The following MCM3 variants were observed in gnomAD, a reference collection of about 807,000 sequenced individuals.
MCM3 encodes the protein DNA replication licensing factor MCM3.
In MCM3, 59 loss-of-function variants were observed where a neutral mutation model predicts 91.3. The observed-to-expected ratio is 0.65, with a 90% CI of 0.52 to 0.80. The LOEUF (loss-of-function observed/expected upper bound fraction) is 0.80. MCM3 is among the 30% of genes least tolerant of loss of function. The probability of loss-of-function intolerance (pLI) is 0.00; values close to 1 mark genes in which losing one functional copy is unlikely to be tolerated. For synonymous variants in MCM3, 383 were observed against 379.6 expected (o/e 1.01, Z -0.10); for missense variants, 919 against 1,035.4 (o/e 0.89, Z 1.54).
At chr6:52,275,411 G>A (rs1159063572) in intron 9 of MCM3, among the ~76,000 whole-genome samples, 1 of 152,184 alleles carries the variant, frequency 6.6e-6, no homozygotes, top group Non-Finnish European at 1.5e-5. Flanking sequence ...ACATTGTGAG[G>A]TAGTTACTGA....
At chr6:52,277,787 G>A in intron 6 of MCM3, 99 bp from the exon 7 acceptor site, 4 of 1,084,686 alleles carry the variant, frequency 3.7e-6, no homozygotes, top group South Asian at 1.5e-5. Context: ...ACTTGAAGAG[G>A]GCCAGGCGCA....
Position 52,277,523 on chromosome 6 carries a change from C to G in MCM3, c.1033+12G>C, listed in dbSNP as rs1765686664. ...CAGAACAACAGTCTAAAGCAAATCC[C>G]CAACATCGTACCTATTAGAAGAATA... On this transcript the variant is annotated intron_variant, in intron 7 of 16. Coordinates refer to ENST00000596288, the MANE Select transcript of MCM3 (RefSeq NM_002388.6). The G allele has an allele frequency of 1.2e-6, 2 of 1,607,626 alleles. No homozygotes were observed. The highest frequency in any genetic ancestry group is 1.7e-6 in the Non-Finnish European group (2 of 1,176,804).
chr6:52,272,010 T>C (rs1193738728), intron 12 of MCM3, among the ~76,000 whole-genome samples: 1 of 152,198 alleles, frequency 6.6e-6, no homozygotes, highest in East Asian at 1.9e-4. Flanking sequence ...TTTACATTGC[T>C]TGTAAGAGGA....
At chr6:52,280,654 T>C (rs995756062) in intron 4 of MCM3, among the ~76,000 whole-genome samples, 2 of 152,216 alleles carry the variant, frequency 1.3e-5, no homozygotes, top group African/African-American at 4.8e-5. Flanking sequence ...GTAAAGAAGC[T>C]TGGCCACAGT....
In MCM3 at chr6:52,273,230, T is replaced by C; in HGVS notation, c.1676A>G (p.Lys559Arg). ...DNLLHGTKKK[K>R]EKMVSAAFMK... ...GAGGAAGAGTTATGAGAATGCTCACTTTTTCTTCTTGGTCCCATGTAGAAG... is the reference window on the plus strand; with the variant it reads ...GAGGAAGAGTTATGAGAATGCTCACCTTTTCTTCTTGGTCCCATGTAGAAG... The change falls in exon 11 of 17, where the codon AAG becomes AGG. Residue 559 changes from lysine to arginine, a missense_variant and splice_region_variant. Lys to Arg is a conservative substitution (Grantham distance 26). Coordinates refer to ENST00000596288, the MANE Select transcript of MCM3 (RefSeq NM_002388.6). 1 of 1,614,176 alleles carries C rather than the reference T, an allele frequency of 6.2e-7. No individual in the cohort carries two copies. Among genetic ancestry groups the C allele is most frequent in the Non-Finnish European group, 8.5e-7 (1 of 1,179,990 alleles).
rs1006592436 is a variant in MCM3, at chr6:52,283,276, T to G, written c.191+18A>C. ...GAGCCATTCTCACTGACAGCCAGTATATCCCCTTGCCTCTCACCGGTTAGC... is the reference window on the plus strand; with the variant it reads ...GAGCCATTCTCACTGACAGCCAGTAGATCCCCTTGCCTCTCACCGGTTAGC... On this transcript the variant is annotated intron_variant, in intron 2 of 16. Transcript: ENST00000596288. The G allele has an allele frequency of 6.2e-6, 10 of 1,600,484 alleles. No homozygotes were observed. In the Middle Eastern group the frequency reaches 9.9e-4, roughly 159 times the overall value.
intron 2 of MCM3, 89 bp from the exon 3 acceptor site, chr6:52,282,950 A>G (rs1766258720): frequency 2.2e-6 from 2 of 904,540 alleles, no homozygotes; most frequent in Non-Finnish European, 3.4e-6. Context: ...AGATCATTAA[A>G]AACAATGAGA....
At chr6:52,282,418 G>C (rs1766185290) in intron 3 of MCM3, among the ~76,000 whole-genome samples, 2 of 152,154 alleles carry the variant, frequency 1.3e-5, no homozygotes, top group Non-Finnish European at 2.9e-5. Context: ...TGGAATTAGA[G>C]ATTGCCAGGA....
Position 52,273,428 on chromosome 6 carries a change from C to G in MCM3, c.1550-72G>C, listed in dbSNP as rs2235714. On this transcript the variant is annotated intron_variant, in intron 10 of 16. Coordinates refer to ENST00000596288, the MANE Select transcript of MCM3 (RefSeq NM_002388.6). Reference sequence around the variant, plus strand: ...CCAGGGGAAATTGCTTCTTCTATAGCACAAGAAGGGGAGACACCAAGATTC... The same window carrying G: ...CCAGGGGAAATTGCTTCTTCTATAGGACAAGAAGGGGAGACACCAAGATTC... 246,878 of 1,496,062 alleles carry G rather than the reference C, an allele frequency of 0.17. 22,093 individuals carry two copies. The highest frequency in any genetic ancestry group is 0.26 in the South Asian group (22,310 of 86,664). 92.7% of individuals were successfully genotyped at this position (1,496,062 alleles called of 1,614,324 possible). A position where few individuals can be genotyped will look rare whatever the true frequency, so the allele number is the denominator to read the frequency against.
intron 9 of MCM3, 116 bp downstream of exon 9, chr6:52,276,148 CCTTA>C (rs1488969458): frequency 3.5e-6 from 3 of 857,184 alleles, no homozygotes; most frequent in Admixed American, 4.9e-5. Context: ...AAGAAAATGG[CCTTA>C]CTTTTAGTCT....
Position 52,282,810 on chromosome 6 carries a change from CT to C in MCM3, c.242del (p.Lys81ArgfsTer20), listed in dbSNP as rs772242882. The C allele has an allele frequency of 6.2e-7, 1 of 1,613,962 alleles. No homozygotes were observed. The highest frequency in any genetic ancestry group is 8.5e-7 in the Non-Finnish European group (1 of 1,180,038). Reference sequence around the variant, plus strand: ...TAGCATCAATGGAGGCCACAAAATCCTTTAAGGCCCGCTGGAAGGCAACCAG... The same window carrying C: ...TAGCATCAATGGAGGCCACAAAATCCTTAAGGCCCGCTGGAAGGCAACCAG... ...EELVAFQRAL[K>X]DFVASIDATY... On this transcript the variant is annotated frameshift_variant, in exon 3 of 17. Transcript: ENST00000596288. LOFTEE classifies it high-confidence loss of function.
intron 10 of MCM3, 109 bp from the exon 11 acceptor site, chr6:52,273,465 G>T (rs781098307): frequency 4.3e-6 from 5 of 1,165,884 alleles, no homozygotes; most frequent in Non-Finnish European, 6.1e-6. Flanking sequence ...TAAAGAAAGG[G>T]CCCAAAAAGA....
chr6:52,267,583 A>G (rs1369311695), intron 14 of MCM3, among the ~76,000 whole-genome samples: 1 of 146,700 alleles, frequency 6.8e-6, no homozygotes, highest in Non-Finnish European at 1.5e-5. Flanking sequence ...GCTGGAGTGC[A>G]GTGGCACGAT....
chr6:52,283,157 A>T, intron 2 of MCM3, 137 bp downstream of exon 2: 1 of 549,558 alleles, frequency 1.8e-6, no homozygotes. Flanking sequence ...AAAAAAAAAA[A>T]TAGGTGCAGG....
Position 52,266,065 on chromosome 6 carries a change from C to T in MCM3, c.2228+10G>A. Reference sequence around the variant, plus strand: ...ATTCTTGAAGGGGCAGGAGCAACATCCGTACTCACCTGGATTCACTCAACT... The same window carrying T: ...ATTCTTGAAGGGGCAGGAGCAACATTCGTACTCACCTGGATTCACTCAACT... On this transcript the variant is annotated intron_variant, in intron 16 of 16. Transcript: ENST00000596288. The T allele has an allele frequency of 6.2e-7, 1 of 1,613,284 alleles. No homozygotes were observed. Among genetic ancestry groups the T allele is most frequent in the Admixed American group, 1.7e-5 (1 of 60,032 alleles).
chr6:52,277,432 G>A (rs1165932090), intron 7 of MCM3, 103 bp downstream of exon 7: 2 of 1,256,364 alleles, frequency 1.6e-6, no homozygotes, highest in South Asian at 1.5e-5. Context: ...CCTTTGATAG[G>A]ACTGAAATAC....
chr6:52,271,603 T>C (rs1229237503), intron 12 of MCM3, among the ~76,000 whole-genome samples: 3 of 151,784 alleles, frequency 2.0e-5, no homozygotes, highest in Admixed American at 6.6e-5. Flanking sequence ...GATCGCGCCA[T>C]TGCACTCCAG....
At chr6:52,276,872 A>T (rs3765446) in intron 8 of MCM3, among the ~76,000 whole-genome samples, 195 bp downstream of exon 8, 47,818 of 152,148 alleles carry the variant, frequency 0.31, 9,080 homozygotes, top group South Asian at 0.43. Context: ...TAATCCTTTA[A>T]ATCGAAAACA....
chr6:52,270,258 G>A (rs17240140), intron 12 of MCM3, among the ~76,000 whole-genome samples: 2,344 of 150,784 alleles, frequency 0.016, 56 homozygotes, highest in African/African-American at 0.055. Flanking sequence ...GAACCCGGGA[G>A]GCAGAGGTTG....
Sources: allele counts gnomAD v4.1 joint callset (sites outside exome capture counted in the v4.1 genomes callset), GRCh38; gene constraint gnomAD v4.1.1; transcripts MANE v1.5; gene names NCBI Gene and HGNC (gene_info 2026-07-23, HGNC 2026-07-21).